Variants in ITCH observed in about 807,000 individuals in gnomAD.
ITCH encodes the protein E3 ubiquitin-protein ligase Itchy homolog.
Under a neutral mutation model 126.8 loss-of-function variants are expected in ITCH, and 28 were observed. The ratio of observed to expected loss-of-function variants is 0.22; its 90% CI spans 0.16 to 0.30. The LOEUF is 0.30. Among genes scored for constraint, ITCH ranks in the 10% least tolerant of loss-of-function variants. The pLI, the probability that ITCH is intolerant of heterozygous loss-of-function variation, is 1.00. For synonymous variants in ITCH, 342 were observed against 340.0 expected, an observed-to-expected ratio of 1.01 and a Z score of -0.06; for missense variants, 631 against 1,032.4, an observed-to-expected ratio of 0.61 and a Z score of 5.33.
At chr20:34,402,080 T>A in intron 3 of ITCH, 1 of 759,772 alleles carries the variant, frequency 1.3e-6, no homozygotes. Flanking sequence ...AGCTTTAGTT[T>A]GACTTAAACA....
intron 24 of ITCH, 48 bp from the exon 25 acceptor site, chr20:34,507,647 G>C (rs1243843028): frequency 7.0e-7 from 1 of 1,425,886 alleles, no homozygotes; most frequent in Non-Finnish European, 9.9e-7. Flanking sequence ...CTACTCATTT[G>C]ATTCTTTGCA....
At chr20:34,377,709 C>G (rs1362715522) in intron 2 of ITCH, among the ~76,000 whole-genome samples, 1 of 151,798 alleles carries the variant, frequency 6.6e-6, no homozygotes, top group African/African-American at 2.4e-5. Context: ...ACGAAAAACA[C>G]AAAAAATTAG....
chr20:34,439,275 T>C (rs1484684268), intron 8 of ITCH, among the ~76,000 whole-genome samples: 8 of 152,120 alleles, frequency 5.3e-5, no homozygotes, highest in Non-Finnish European at 1.2e-4. Context: ...ATCTTCTCCT[T>C]TTTATTTTTT....
chr20:34,463,471 A>T (rs1182918393), intron 14 of ITCH, among the ~76,000 whole-genome samples: 1 of 152,158 alleles, frequency 6.6e-6, no homozygotes, highest in Non-Finnish European at 1.5e-5. Context: ...TTTTGTATCT[A>T]TTGCTGGATT....
rs966443919 is a variant in ITCH at position 34,510,618 on chromosome 20, G to C, written c.*2824G>C. On this transcript the variant is annotated 3_prime_UTR_variant, in exon 25 of 25. Transcript: ENST00000374864. Reference sequence around the variant, plus strand: ...CTCACTTGTTTCATCAAATGGAGTGGTTTAAAACTGATCAAGCAGCTCATA... The same window carrying C: ...CTCACTTGTTTCATCAAATGGAGTGCTTTAAAACTGATCAAGCAGCTCATA... The C allele has an allele frequency of 6.6e-6, 1 of 151,934 alleles. No homozygotes were observed. Among genetic ancestry groups the C allele is most frequent in the African/African-American group, 2.4e-5 (1 of 41,358 alleles). 9.4% of individuals were successfully genotyped at this position (151,934 alleles called of 1,614,324 possible).
intron 14 of ITCH, among the ~76,000 whole-genome samples, chr20:34,462,550 A>G (rs1240984213): frequency 6.6e-6 from 1 of 152,104 alleles, no homozygotes; most frequent in African/African-American, 2.4e-5. Flanking sequence ...AGCTCTCATT[A>G]CTTATCCCCC....
chr20:34,410,384 GA>G (rs904883569), intron 4 of ITCH, among the ~76,000 whole-genome samples: 59 of 29,462 alleles, frequency 2.0e-3, no homozygotes, highest in Admixed American at 5.4e-3. Context: ...AAAAAAGAGA[GA>G]AAAAAAAAAA....
intron 23 of ITCH, among the ~76,000 whole-genome samples, chr20:34,498,925 G>A (rs1990059055): frequency 6.6e-6 from 1 of 150,688 alleles, no homozygotes; most frequent in African/African-American, 2.4e-5. Context: ...TTCTTTAAAT[G>A]TTTGTTAGAA....
intron 3 of ITCH, among the ~76,000 whole-genome samples, chr20:34,399,155 G>C (rs1020296423): frequency 2.0e-5 from 3 of 152,172 alleles, no homozygotes; most frequent in Admixed American, 1.3e-4. Context: ...CACTTTGGGA[G>C]GCCGAGGTGG....
intron 23 of ITCH, among the ~76,000 whole-genome samples, chr20:34,503,560 A>G (rs938282675): frequency 1.3e-5 from 2 of 152,194 alleles, no homozygotes; most frequent in African/African-American, 4.8e-5. Context: ...AAGTTTTATT[A>G]ATTCTGTATT....
intron 17 of ITCH, 147 bp downstream of exon 17, chr20:34,478,007 G>A: frequency 9.5e-7 from 1 of 1,052,890 alleles, no homozygotes; most frequent in Admixed American, 2.6e-5. Flanking sequence ...TGTAGCTACA[G>A]AATTTCAAAA....
chr20:34,438,657 T>C, intron 8 of ITCH, 26 bp downstream of exon 8: 9 of 1,612,718 alleles, frequency 5.6e-6, no homozygotes, highest in Non-Finnish European at 7.6e-6. Flanking sequence ...CTCAATACTC[T>C]TGGAAATAAT....
intron 2 of ITCH, among the ~76,000 whole-genome samples, chr20:34,372,398 T>TTTTTTTTTTTTTG (rs1568853572): frequency 2.1e-5 from 3 of 142,674 alleles, no homozygotes; most frequent in Admixed American, 7.1e-5. Context: ...TTTTTTTTTT[T>TTTTTTTTTTTTTG]GAGAGGGAAT....
At chr20:34,477,268 C>T (rs984467532) in intron 16 of ITCH, among the ~76,000 whole-genome samples, 4 of 152,202 alleles carry the variant, frequency 2.6e-5, no homozygotes, top group Non-Finnish European at 5.9e-5. Context: ...TGATGGCTCA[C>T]GTCTGTAATC....
chr20:34,488,949 G>T (rs944865486), intron 20 of ITCH, among the ~76,000 whole-genome samples: 6 of 152,156 alleles, frequency 3.9e-5, no homozygotes, highest in African/African-American at 1.4e-4. Flanking sequence ...CGAGGTAGGA[G>T]GATTGCTTGA....
chr20:34,476,098 T>C, intron 16 of ITCH: 1 of 945,516 alleles, frequency 1.1e-6, no homozygotes, highest in Non-Finnish European at 1.8e-6. Context: ...TGCATCTAAC[T>C]TCTCATATAT....
intron 14 of ITCH, among the ~76,000 whole-genome samples, chr20:34,464,141 A>AT (rs1025473489): frequency 0.02 from 2,702 of 132,820 alleles, 30 homozygotes; most frequent in Middle Eastern, 0.032. Flanking sequence ...TGCCCAGCTA[A>AT]TTTTTTTTTT....
At chr20:34,491,620 A>G (rs184172549) in intron 22 of ITCH, among the ~76,000 whole-genome samples, 45 of 152,326 alleles carry the variant, frequency 3.0e-4, no homozygotes, top group African/African-American at 9.6e-4. Flanking sequence ...CATATGAGAA[A>G]CTTAAACTGA....
chr20:34,443,261 C>A (rs561966408), intron 10 of ITCH, among the ~76,000 whole-genome samples: 8 of 152,018 alleles, frequency 5.3e-5, no homozygotes, highest in African/African-American at 1.4e-4. Context: ...CCTGTAATCC[C>A]AGCACCTTGG....
Sources: gnomAD v4.1 joint callset for allele counts (sites outside exome capture counted in the v4.1 genomes callset) on GRCh38, gnomAD v4.1.1 for gene constraint, MANE v1.5 for transcripts, NCBI Gene and HGNC (gene_info 2026-07-23, HGNC 2026-07-21) for gene names.